CAMTA1: variants seen among roughly 807,000 people sequenced by gnomAD.
CAMTA1 encodes calmodulin binding transcription activator 1.
A neutral mutation model predicts 170.9 loss-of-function variants in CAMTA1; 27 were observed. The observed-to-expected ratio is 0.16, with a 90% CI of 0.12 to 0.22. The LOEUF (loss-of-function observed/expected upper bound fraction) is 0.22. Among genes scored for constraint, CAMTA1 ranks in the 10% least tolerant of loss-of-function variants. CAMTA1 has a pLI of 1.00. For synonymous variants in CAMTA1, 833 were observed against 891.5 expected (o/e 0.93, Z 1.17); for missense variants, 1,619 against 2,217.2 (o/e 0.73, Z 5.42).
At chr1:7,616,013 G>C (rs1198740116) in intron 6 of CAMTA1, among the ~76,000 whole-genome samples, 1 of 152,248 alleles carries the variant, frequency 6.6e-6, no homozygotes, top group African/African-American at 2.4e-5. Context: ...AAAATACTCA[G>C]TGTTTTGTAA....
chr1:7,114,049 C>G (rs1644218382), intron 4 of CAMTA1, among the ~76,000 whole-genome samples: 1 of 152,234 alleles, frequency 6.6e-6, no homozygotes, highest in African/African-American at 2.4e-5. Context: ...GCCCACCCCC[C>G]ATCCTCTCTC....
At chr1:6,809,968 G>T (rs144837150) in intron 1 of CAMTA1, among the ~76,000 whole-genome samples, 1 of 152,188 alleles carries the variant, frequency 6.6e-6, no homozygotes, top group South Asian at 2.1e-4. Context: ...ACAGAGTACT[G>T]GTAGAAATGA....
intron 3 of CAMTA1, among the ~76,000 whole-genome samples, chr1:6,962,506 G>C (rs6681640): frequency 0.51 from 71,276 of 139,226 alleles, 18,135 homozygotes; most frequent in East Asian, 0.64. Context: ...AACCTATCCC[G>C]TTTCCTTTAT....
At chr1:7,000,731 G>C (rs1286591255) in intron 3 of CAMTA1, among the ~76,000 whole-genome samples, 1 of 152,104 alleles carries the variant, frequency 6.6e-6, no homozygotes, top group Non-Finnish European at 1.5e-5. Context: ...CTTACCTGTT[G>C]ACCTCCCCCA....
chr1:7,607,137 A>T (rs2095492220), intron 6 of CAMTA1, among the ~76,000 whole-genome samples: 1 of 151,142 alleles, frequency 6.6e-6, no homozygotes, highest in South Asian at 2.1e-4. Context: ...GGATGGATGG[A>T]TGGATGGATG....
intron 3 of CAMTA1, among the ~76,000 whole-genome samples, chr1:6,850,099 C>T (rs952192868): frequency 6.7e-6 from 1 of 148,396 alleles, no homozygotes; most frequent in African/African-American, 2.5e-5. Context: ...CAAAATAAAT[C>T]TAAAAATTAA....
At chr1:7,656,667 G>A (rs2095905884) in intron 7 of CAMTA1, among the ~76,000 whole-genome samples, 1 of 152,256 alleles carries the variant, frequency 6.6e-6, no homozygotes, top group Non-Finnish European at 1.5e-5. Context: ...CAACCCAAGA[G>A]GCTCTCGGCT....
At chr1:7,086,417 C>G (rs1312343905) in intron 3 of CAMTA1, among the ~76,000 whole-genome samples, 1 of 152,082 alleles carries the variant, frequency 6.6e-6, no homozygotes, top group Non-Finnish European at 1.5e-5. Flanking sequence ...ATGCCTCCTT[C>G]TTCTTTTTAT....
chr1:7,431,579 C>T (rs2092156304), intron 5 of CAMTA1, among the ~76,000 whole-genome samples: 1 of 152,186 alleles, frequency 6.6e-6, no homozygotes, highest in African/African-American at 2.4e-5. Context: ...TTCCCAACTG[C>T]CCTCCCGAAT....
At chr1:6,943,762 G>T (rs71631808) in intron 3 of CAMTA1, among the ~76,000 whole-genome samples, 4 of 148,888 alleles carry the variant, frequency 2.7e-5, no homozygotes, top group African/African-American at 1.0e-4. Context: ...CAGTAGAATC[G>T]CTTGAACCTG....
intron 3 of CAMTA1, among the ~76,000 whole-genome samples, chr1:6,949,041 G>GAGGCA (rs1471161815): frequency 6.6e-6 from 1 of 152,212 alleles, no homozygotes; most frequent in African/African-American, 2.4e-5. Flanking sequence ...ACCATCTGCT[G>GAGGCA]AGGCAAGGGA....
rs141635508 is a variant in CAMTA1 at position 7,164,759 on chromosome 1, T to G, written c.302+73388T>G. ...AGGTTTGTTTCACCTTCATAAAGGA[T>G]GATTAATCGAACTAAGAGAAGAGCC... On this transcript the variant is annotated intron_variant, in intron 4 of 22. Coordinates refer to ENST00000303635, the MANE Select transcript of CAMTA1 (RefSeq NM_015215.4). Among the ~76,000 whole-genome samples, 992 of 152,378 alleles carry G rather than the reference T, an allele frequency of 6.5e-3. 4 individuals carry two copies. Among genetic ancestry groups the G allele is most frequent in the African/African-American group, 0.023 (944 of 41,588 alleles).
intron 5 of CAMTA1, among the ~76,000 whole-genome samples, chr1:7,424,702 G>A (rs77084202): frequency 1.3e-5 from 2 of 152,118 alleles, no homozygotes; most frequent in African/African-American, 4.8e-5. Context: ...AGGCTCCTGG[G>A]AGGTGAAAGG....
intron 5 of CAMTA1, among the ~76,000 whole-genome samples, chr1:7,422,157 C>G (rs1406428566): frequency 6.6e-6 from 1 of 152,100 alleles, no homozygotes; most frequent in Non-Finnish European, 1.5e-5. Context: ...ATTGGGCCCT[C>G]CCCTGTGCAG....
At chr1:7,449,772 A>G (rs1184495881) in intron 5 of CAMTA1, among the ~76,000 whole-genome samples, 2 of 148,854 alleles carry the variant, frequency 1.3e-5, no homozygotes, top group African/African-American at 2.5e-5. Flanking sequence ...TCGGTCTCAA[A>G]AAAAAAAAAA....
At chr1:7,446,724 G>A (rs1310919973) in intron 5 of CAMTA1, among the ~76,000 whole-genome samples, 4 of 152,300 alleles carry the variant, frequency 2.6e-5, no homozygotes, top group Non-Finnish European at 5.9e-5. Flanking sequence ...CACTGGCCAC[G>A]TGCAGGGGAC....
At position 7,286,153 on chromosome 1, in the gene CAMTA1, A is replaced by T. The variant is rs1672316353; in HGVS notation, c.438+36527A>T. ...AGCCTGCGTGCTGAGGGGATGAGTGAGCCTGCTGGTGGGGGGCAGAGAGGA... is the reference window on the plus strand; with the variant it reads ...AGCCTGCGTGCTGAGGGGATGAGTGTGCCTGCTGGTGGGGGGCAGAGAGGA... On this transcript the variant is annotated intron_variant, in intron 5 of 22. Transcript: ENST00000303635. This position sits in a 1 kb window ranked among gnomAD's most constrained non-coding sequence, Gnocchi z 4.2. Among the ~76,000 whole-genome samples, 2 of 152,096 alleles carry T rather than the reference A, an allele frequency of 1.3e-5. 1 individual carries two copies. The highest frequency in any genetic ancestry group is 4.1e-4 in the South Asian group (2 of 4,824).
At chr1:7,396,023 G>A (rs2089279351) in intron 5 of CAMTA1, among the ~76,000 whole-genome samples, 1 of 152,090 alleles carries the variant, frequency 6.6e-6, no homozygotes, top group African/African-American at 2.4e-5. Context: ...GGGATGTTAT[G>A]GTTTGGATAT....
Position 6,965,201 on chromosome 1 carries a change from G to T in CAMTA1, c.235-126103G>T, listed in dbSNP as rs970082771. The stretch of plus-strand genomic sequence containing the variant: ...GAGTGTGGTATGAGCATGAGTGTGT[G>T]TGTATGACTTTGTGTGCTTGTGTGT... On this transcript the variant is annotated intron_variant, in intron 3 of 22. Transcript: ENST00000303635. The surrounding 1 kb of genome is among the most constrained non-coding windows in gnomAD (Gnocchi z 4.1). Among the ~76,000 whole-genome samples the T allele has an allele frequency of 2.6e-5, 4 of 152,178 alleles. No homozygotes were observed.
Sources: allele counts gnomAD v4.1 joint callset (sites outside exome capture counted in the v4.1 genomes callset), GRCh38; gene constraint gnomAD v4.1.1; non-coding constraint Gnocchi (gnomAD v3.1); transcripts MANE v1.5; gene names NCBI Gene and HGNC (gene_info 2026-07-23, HGNC 2026-07-21).